Variants in SLC19A1 observed in about 807,000 individuals in gnomAD.
SLC19A1 encodes the protein reduced folate transporter.
SLC19A1 carries 37 observed loss-of-function variants against 35.3 expected under a neutral mutation model. That is an observed-to-expected ratio of 1.05 (90% CI 0.81 to 1.38). SLC19A1 has a LOEUF of 1.38. SLC19A1 is among the 40% of genes most tolerant of loss of function. SLC19A1 has a pLI of 0.00. For synonymous variants in SLC19A1, 460 were observed against 398.5 expected (o/e 1.15, Z -1.84); for missense variants, 831 against 826.9 (o/e 1.00, Z -0.06).
chr21:45,516,001 T>C lies in SLC19A1; in HGVS notation c.1433A>G (p.Glu478Gly). 6.4e-7 allele frequency: 1 copy of C among 1,568,966 alleles called. No individual in the cohort carries two copies. The highest frequency in any genetic ancestry group is 8.6e-7 in the Non-Finnish European group (1 of 1,158,026). Residue 478 changes from glutamate to glycine, a missense_variant, in exon 6 of 6, where the codon GAG becomes GGG. By Grantham distance (98) the Glu-to-Gly change is moderately conservative. Transcript: ENST00000311124. ...CACGCTCAGTGCCTGTGCTGCCTTCTCCTCCGCGGCACTCCTCAGGCCCTG... is the reference window on the plus strand; with the variant it reads ...CACGCTCAGTGCCTGTGCTGCCTTCCCCTCCGCGGCACTCCTCAGGCCCTG... Reference protein sequence around the residue: ...PAQGLRSAAEEKAAQALSVQD... With the variant: ...PAQGLRSAAEGKAAQALSVQD...
chr21:45,560,822 A>G (rs1602967630), intron 1 of SLC19A1, among the ~76,000 whole-genome samples: 1 of 152,350 alleles, frequency 6.6e-6, no homozygotes, highest in South Asian at 2.1e-4. Context: ...GAGCTGAGGG[A>G]GGCCCGAGCC....
chr21:45,503,166 A>C (rs1484996631), intron 3 of SLC19A1, among the ~76,000 whole-genome samples: 1 of 152,172 alleles, frequency 6.6e-6, no homozygotes, highest in Non-Finnish European at 1.5e-5. Flanking sequence ...ACAATGGTTG[A>C]ACTAGTTTAC....
downstream of SLC19A1, among the ~76,000 whole-genome samples, chr21:45,508,337 AGATG>A (rs906586994): frequency 7.1e-6 from 1 of 141,440 alleles, no homozygotes; most frequent in African/African-American, 2.7e-5. Context: ...ATAGATGGGC[AGATG>A]GATGGTGGAC....
chr21:45,507,346 G>A, intron 3 of SLC19A1: 2 of 621,318 alleles, frequency 3.2e-6, no homozygotes, highest in Non-Finnish European at 5.8e-6. Flanking sequence ...GTGCTGGGCA[G>A]GGAGGGCACC....
At chr21:45,528,499 G>A (rs2077730662) in intron 4 of SLC19A1, among the ~76,000 whole-genome samples, 1 of 152,082 alleles carries the variant, frequency 6.6e-6, no homozygotes, top group South Asian at 2.1e-4. Context: ...CGGCCCGTCA[G>A]GGGCTCAGGG....
At chr21:45,562,308 A>G (rs1403428472) in intron 1 of SLC19A1, among the ~76,000 whole-genome samples, 1 of 152,076 alleles carries the variant, frequency 6.6e-6, no homozygotes, top group Non-Finnish European at 1.5e-5. Flanking sequence ...ACGACACCAC[A>G]CGCATTCACC....
chr21:45,504,260 G>A, intron 3 of SLC19A1: 2 of 869,850 alleles, frequency 2.3e-6, no homozygotes, highest in Non-Finnish European at 1.8e-6. Flanking sequence ...GATGCAGTGG[G>A]AGGTGGGGAG....
At chr21:45,547,242 A>G (rs1569026566), upstream of SLC19A1, among the ~76,000 whole-genome samples, 1 of 152,192 alleles carries the variant, frequency 6.6e-6, no homozygotes, top group Non-Finnish European at 1.5e-5. Flanking sequence ...GAGCTAAACA[A>G]ATGGGGGAGA....
chr21:45,529,026 C>A (rs2077750987), intron 4 of SLC19A1, among the ~76,000 whole-genome samples: 1 of 152,240 alleles, frequency 6.6e-6, no homozygotes, highest in Non-Finnish European at 1.5e-5. Context: ...AGGCCCTGGC[C>A]CTTTCCACAG....
chr21:45,510,954 ACCCCACATACACCCCCAAACACCCCC>A (rs2037548515), downstream of SLC19A1, among the ~76,000 whole-genome samples: 1 of 6,266 alleles, frequency 1.6e-4, no homozygotes, highest in African/African-American at 8.1e-4. Context: ...CACCCACAAC[ACCCCACATACACCCCCAAACACCCCC>A]CACACCCCAC....
Position 45,542,037 on chromosome 21 carries a change from C to T in SLC19A1, c.-50+331G>A, listed in dbSNP as rs377485329. ...ACCCCGGCCCACGCCCCGCACCCTC[C>T]CCAGGGCCCCCCAGACCCCAGGCTG... On this transcript the variant is annotated intron_variant, in intron 1 of 5. Coordinates refer to ENST00000311124, the MANE Select transcript of SLC19A1 (RefSeq NM_194255.4). 3.8e-4 allele frequency among the ~76,000 whole-genome samples: 58 copies of T among 151,178 alleles called. 3 individuals are homozygous for T. The highest frequency in any genetic ancestry group is 2.6e-3 in the East Asian group (13 of 5,088).
At chr21:45,506,061 G>T in intron 3 of SLC19A1, 1 of 1,585,544 alleles carries the variant, frequency 6.3e-7, no homozygotes. Flanking sequence ...CCCGGACAGG[G>T]ATGGGAGCAG....
Position 45,504,586 on chromosome 21 carries a change from A to G in SLC19A1, c.498-5974T>C, listed in dbSNP as rs1568941154. 2.1e-5 allele frequency: 32 copies of G among 1,552,196 alleles called. No homozygotes were observed. In the East Asian group the frequency reaches 7.0e-4, roughly 34 times the overall value. On this transcript the variant is annotated intron_variant, in intron 3 of 4. Transcript: ENST00000417954. ...GTCCCAGCCTGTGCAGGCAGAGCCC[A>G]TGTCCCAGGGGTCTGGGTGCAGGAG...
At chr21:45,505,922 G>A in intron 3 of SLC19A1, 2 of 1,613,210 alleles carry the variant, frequency 1.2e-6, no homozygotes, top group East Asian at 2.2e-5. Flanking sequence ...GGCCGAGCAG[G>A]AGGAGCTCTA....
At chr21:45,551,148 A>C (rs1392183222) in intron 1 of SLC19A1, among the ~76,000 whole-genome samples, 1 of 151,782 alleles carries the variant, frequency 6.6e-6, no homozygotes, top group Non-Finnish European at 1.5e-5. Context: ...GTTTTACTTA[A>C]GAGGCTGAGG....
At chr21:45,506,126 CT>C in intron 3 of SLC19A1, 1 of 1,139,438 alleles carries the variant, frequency 8.8e-7, no homozygotes, top group East Asian at 2.6e-5. Context: ...TAGTAAAATA[CT>C]TTTGTGAGCA....
At chr21:45,512,119 C>T (rs2146149253), downstream of SLC19A1, 1 of 1,526,422 alleles carries the variant, frequency 6.6e-7, no homozygotes, top group Non-Finnish European at 8.9e-7. Context: ...ACCTTTCCTG[C>T]CCGGGGAGCG....
At chr21:45,511,198 G>A (rs375269967), downstream of SLC19A1, 114 of 1,593,156 alleles carry the variant, frequency 7.2e-5, no homozygotes, top group African/African-American at 7.5e-4. Flanking sequence ...CTCCTTTGAC[G>A]GCAAGGACGT....
chr21:45,534,749 G>A lies in SLC19A1; in HGVS notation c.190-2601C>T. On this transcript the variant is annotated intron_variant, in intron 2 of 5. Transcript: ENST00000311124. The surrounding 1 kb of genome is among the most constrained non-coding windows in gnomAD (Gnocchi z 4.2). ...AGCCTTGGCAGGCAGACAGCAGGGA[G>A]GCTCTGCCCAGAGCTGTGACCTGCG... 1 of 682,124 alleles carries A rather than the reference G, an allele frequency of 1.5e-6. No individual in the cohort carries two copies. 42.3% of individuals were successfully genotyped at this position (682,124 alleles called of 1,614,324 possible). A position where few individuals can be genotyped will look rare whatever the true frequency, so the allele number is the denominator to read the frequency against.
Sources: allele counts gnomAD v4.1 joint callset (sites outside exome capture counted in the v4.1 genomes callset), GRCh38; gene constraint gnomAD v4.1.1; non-coding constraint Gnocchi (gnomAD v3.1); transcripts MANE v1.5; gene names NCBI Gene and HGNC (gene_info 2026-07-23, HGNC 2026-07-21).